EYS: variants seen among roughly 807,000 people sequenced by gnomAD.
EYS encodes the protein EGF-like photoreceptor maintenance factor, also known as protein eyes shut homolog.
EYS carries 250 observed loss-of-function variants against 282.1 expected under a neutral mutation model. The ratio of observed to expected loss-of-function variants is 0.89; its 90% CI spans 0.80 to 0.98. The LOEUF is 0.98. Among genes scored for constraint, EYS ranks in the 50% least tolerant of loss-of-function variants. The probability of loss-of-function intolerance (pLI) is 0.00; values close to 1 mark genes in which losing one functional copy is unlikely to be tolerated. For missense variants in EYS, 4,016 were observed against 3,709.0 expected (o/e 1.08, Z -2.15); for synonymous variants, 1,355 against 1,282.9 (o/e 1.06, Z -1.20).
chr6:64,110,371 G>T (rs1018832023), intron 31 of EYS, among the ~76,000 whole-genome samples: 2 of 151,810 alleles, frequency 1.3e-5, no homozygotes, highest in Non-Finnish European at 2.9e-5. Context: ...CAGATTTCTC[G>T]CATTAGGCAC....
At chr6:63,865,963 A>G (rs1286946231) in intron 35 of EYS, among the ~76,000 whole-genome samples, 1 of 152,198 alleles carries the variant, frequency 6.6e-6, no homozygotes, top group Non-Finnish European at 1.5e-5. Flanking sequence ...TCCTGTAAGT[A>G]ATCAGTAATT....
At chr6:64,392,500 A>G (rs1773191293) in intron 28 of EYS, among the ~76,000 whole-genome samples, 1 of 151,754 alleles carries the variant, frequency 6.6e-6, no homozygotes, top group Non-Finnish European at 1.5e-5. Flanking sequence ...ACTACATGGA[A>G]ACTGAACAAC....
rs116431337 is a variant in EYS at position 65,706,679 on chromosome 6, T to C, written c.-448+456A>G. On this transcript the variant is annotated intron_variant, in intron 1 of 42. Coordinates refer to ENST00000503581, the MANE Select transcript of EYS (RefSeq NM_001142800.2). Reference sequence around the variant, plus strand: ...TAAACATCACCTCCAACAAAACTAGTATGAGTATCTCTAGATTTATGGCCA... The same window carrying C: ...TAAACATCACCTCCAACAAAACTAGCATGAGTATCTCTAGATTTATGGCCA... Among the ~76,000 whole-genome samples the C allele has an allele frequency of 7.2e-3, 1,090 of 152,236 alleles. 5 individuals are homozygous for C. Among genetic ancestry groups the C allele is most frequent in the Non-Finnish European group, 0.011 (755 of 67,994 alleles).
intron 36 of EYS, among the ~76,000 whole-genome samples, chr6:63,832,636 T>C (rs1771676644): frequency 6.6e-6 from 1 of 151,890 alleles, no homozygotes; most frequent in Non-Finnish European, 1.5e-5. Context: ...CTACCAGAGG[T>C]ACAAAGAGGA....
chr6:64,565,805 T>C (rs1289785845), intron 26 of EYS, among the ~76,000 whole-genome samples: 2 of 152,130 alleles, frequency 1.3e-5, no homozygotes, highest in Non-Finnish European at 2.9e-5. Flanking sequence ...TATACAGTGA[T>C]GGATATATTA....
intron 14 of EYS, among the ~76,000 whole-genome samples, chr6:64,986,189 A>C (rs1231302894): frequency 6.6e-6 from 1 of 151,604 alleles, no homozygotes; most frequent in Non-Finnish European, 1.5e-5. Context: ...TAACGATTAA[A>C]AAAGAATATA....
intron 12 of EYS, among the ~76,000 whole-genome samples, chr6:65,128,046 A>G (rs9453196): frequency 0.028 from 4,299 of 152,104 alleles, 156 homozygotes; most frequent in African/African-American, 0.086. Context: ...CTTTTTGGTA[A>G]GTAAATCTGG....
rs552919891 is a variant in EYS at position 64,357,220 on chromosome 6, C to T, written c.6078+31470G>A. Reference sequence around the variant, plus strand: ...GAATTCAGACTCTGGTCATTTGTTTCTTATGACAGAATTATATAGACAATT... The same window carrying T: ...GAATTCAGACTCTGGTCATTTGTTTTTTATGACAGAATTATATAGACAATT... On this transcript the variant is annotated intron_variant, in intron 29 of 42. Coordinates refer to ENST00000503581, the MANE Select transcript of EYS (RefSeq NM_001142800.2). Among the ~76,000 whole-genome samples, 5 of 151,710 alleles carry T rather than the reference C, an allele frequency of 3.3e-5. No homozygotes were observed. In the East Asian group the frequency reaches 7.8e-4, roughly 24 times the overall value.
intron 36 of EYS, among the ~76,000 whole-genome samples, chr6:63,824,007 C>G (rs953797773): frequency 9.2e-5 from 14 of 152,172 alleles, no homozygotes; most frequent in Non-Finnish European, 4.4e-5. Context: ...AACTCAGGAA[C>G]CTACTTCCAC....
chr6:63,792,887 T>C (rs1243499379), intron 37 of EYS, among the ~76,000 whole-genome samples: 1 of 152,152 alleles, frequency 6.6e-6, no homozygotes, highest in Non-Finnish European at 1.5e-5. Context: ...GAAAGTGAAG[T>C]CCATGAAGCA....
At chr6:64,111,147 C>T (rs944806129) in intron 31 of EYS, among the ~76,000 whole-genome samples, 1 of 151,960 alleles carries the variant, frequency 6.6e-6, no homozygotes, top group Non-Finnish European at 1.5e-5. Flanking sequence ...GGAATATGAT[C>T]TGAGTTACTT....
intron 27 of EYS, among the ~76,000 whole-genome samples, chr6:64,438,347 C>A (rs891425541): frequency 1.3e-4 from 20 of 151,578 alleles, no homozygotes; most frequent in African/African-American, 4.8e-4. Flanking sequence ...TACAAAAATA[C>A]ATAATAAAAT....
chr6:63,940,684 C>CT lies in EYS; in HGVS notation c.7055+43698dup, dbSNP rs565570695. On this transcript the variant is annotated intron_variant, in intron 35 of 42. Transcript: ENST00000503581. Reference sequence around the variant, plus strand: ...CTGCCTGAATACGTTTTTTTTTCCTCTTTTTTTTTTTAATCATACTTTAAC... The same window carrying CT: ...CTGCCTGAATACGTTTTTTTTTCCTCTTTTTTTTTTTTAATCATACTTTAAC... Among the ~76,000 whole-genome samples the CT allele has an allele frequency of 8.8e-3, 1,248 of 142,360 alleles. 20 individuals are homozygous for CT. Among genetic ancestry groups the CT allele is most frequent in the African/African-American group, 0.027 (1,050 of 39,086 alleles). 93.4% of individuals were successfully genotyped at this position (142,360 alleles called of 152,430 possible).
At chr6:63,922,154 G>A (rs1200204126) in intron 35 of EYS, among the ~76,000 whole-genome samples, 2 of 152,178 alleles carry the variant, frequency 1.3e-5, no homozygotes, top group African/African-American at 4.8e-5. Context: ...CCAAAACTGT[G>A]AGAAAACAAA....
At chr6:64,096,040 G>C (rs1772597660) in intron 31 of EYS, among the ~76,000 whole-genome samples, 1 of 152,124 alleles carries the variant, frequency 6.6e-6, no homozygotes, top group Non-Finnish European at 1.5e-5. Context: ...TGAAATTCTA[G>C]GTTGATAATT....
chr6:64,941,152 G>T (rs916529729), intron 15 of EYS, among the ~76,000 whole-genome samples: 14 of 151,872 alleles, frequency 9.2e-5, no homozygotes, highest in Admixed American at 9.2e-4. Context: ...AGGCTGAGGC[G>T]GGCAGGTCAC....
At chr6:64,140,642 G>A (rs915685218) in intron 31 of EYS, among the ~76,000 whole-genome samples, 2 of 152,136 alleles carry the variant, frequency 1.3e-5, no homozygotes, top group Non-Finnish European at 2.9e-5. Context: ...TCCCCTGCTA[G>A]GTTGGATTCC....
Position 65,057,617 on chromosome 6 carries a change from T to C in EYS, c.2134A>G (p.Lys712Glu), listed in dbSNP as rs1773454566. The change falls in exon 13 of 43, where the codon AAA (lysine) becomes GAA (glutamate). Residue 712 changes from lysine (K) to glutamate (E), a missense_variant. Transcript: ENST00000503581. Reference sequence around the variant, plus strand: ...CTTATCCCTTGGTGTTCATTACCTTTAAATGGAGGCACACACTGGCAGAAG... The same window carrying C: ...CTTATCCCTTGGTGTTCATTACCTTCAAATGGAGGCACACACTGGCAGAAG... ...NYFCQCVPPF[K>E]VVDGFSCLCN... 1 of 1,540,396 alleles carries C rather than the reference T, an allele frequency of 6.5e-7. No individual in the cohort carries two copies. Among genetic ancestry groups the C allele is most frequent in the Admixed American group, 2.0e-5 (1 of 50,940 alleles).
At chr6:64,007,041 C>T (rs994681297) in intron 33 of EYS, among the ~76,000 whole-genome samples, 6 of 152,068 alleles carry the variant, frequency 3.9e-5, no homozygotes, top group African/African-American at 1.4e-4. Context: ...CCCTCATCCT[C>T]AACTTTTTGG....
Sources: allele counts gnomAD v4.1 joint callset (sites outside exome capture counted in the v4.1 genomes callset), GRCh38; gene constraint gnomAD v4.1.1; transcripts MANE v1.5; gene names NCBI Gene and HGNC (gene_info 2026-07-23, HGNC 2026-07-21).